BPNT1: variants seen among roughly 807,000 people sequenced by gnomAD.
The protein encoded by BPNT1 is 3'(2'),5'-bisphosphate nucleotidase 1.
BPNT1 carries 28 observed loss-of-function variants against 36.9 expected under a neutral mutation model. The ratio of observed to expected loss-of-function variants is 0.76; its 90% confidence interval spans 0.56 to 1.04. BPNT1 has a LOEUF of 1.04. Ranked by LOEUF, BPNT1 falls within the 50% of genes least tolerant of loss-of-function variation. The pLI, the probability that BPNT1 is intolerant of heterozygous loss-of-function variation, is 0.00. For synonymous variants in BPNT1, 119 were observed against 130.9 expected, an observed-to-expected ratio of 0.91 and a Z score of 0.62; for missense variants, 313 against 372.9, an observed-to-expected ratio of 0.84 and a Z score of 1.32.
intron 1 of BPNT1, among the ~76,000 whole-genome samples, chr1:220,083,559 C>T (rs533360440): frequency 3.2e-4 from 49 of 152,074 alleles, no homozygotes; most frequent in African/African-American, 1.2e-3. Flanking sequence ...GATCCACTCG[C>T]CTCGGCCTCG....
At chr1:220,062,317 C>T (rs1663120478) in intron 7 of BPNT1, among the ~76,000 whole-genome samples, 1 of 138,660 alleles carries the variant, frequency 7.2e-6, no homozygotes, top group African/African-American at 2.7e-5. Flanking sequence ...CAACAGTCCC[C>T]AGAGTGTGAC....
intron 7 of BPNT1, among the ~76,000 whole-genome samples, chr1:220,061,253 G>A (rs1663001457): frequency 6.6e-6 from 1 of 152,182 alleles, no homozygotes; most frequent in Non-Finnish European, 1.5e-5. Context: ...ACACAACTGA[G>A]ATCACTGCTA....
intron 1 of BPNT1, among the ~76,000 whole-genome samples, chr1:220,080,802 T>G (rs1192198010): frequency 6.6e-6 from 1 of 152,176 alleles, no homozygotes; most frequent in Non-Finnish European, 1.5e-5. Flanking sequence ...TCAATGAATA[T>G]TCTCTGCTAT....
intron 1 of BPNT1, among the ~76,000 whole-genome samples, chr1:220,082,017 A>C (rs1256883168): frequency 6.7e-6 from 1 of 148,320 alleles, no homozygotes; most frequent in African/African-American, 2.5e-5. Context: ...AAATCAAATC[A>C]ACATTATTTC....
At chr1:220,072,555 T>C (rs1007375866) in intron 4 of BPNT1, among the ~76,000 whole-genome samples, 1 of 152,086 alleles carries the variant, frequency 6.6e-6, no homozygotes, top group Non-Finnish European at 1.5e-5. Flanking sequence ...ACTCAAGCAA[T>C]CCAACCACCT....
At chr1:220,081,361 G>A (rs1558100574) in intron 1 of BPNT1, among the ~76,000 whole-genome samples, 1 of 152,088 alleles carries the variant, frequency 6.6e-6, no homozygotes, top group Non-Finnish European at 1.5e-5. Context: ...TGACCAACAT[G>A]GTGAAACCTC....
chr1:220,077,387 AT>A (rs147317841), intron 2 of BPNT1, among the ~76,000 whole-genome samples: 11,621 of 149,200 alleles, frequency 0.078, 523 homozygotes, highest in South Asian at 0.14. Context: ...GTTCTTATGA[AT>A]TTTTTTTTTT....
intron 6 of BPNT1, among the ~76,000 whole-genome samples, chr1:220,063,460 C>A (rs1010057897): frequency 2.0e-5 from 3 of 152,178 alleles, no homozygotes; most frequent in Non-Finnish European, 2.9e-5. Context: ...TTTCAAAGAA[C>A]TTTTGGTTAT....
intron 6 of BPNT1, among the ~76,000 whole-genome samples, chr1:220,065,320 C>T (rs976844166): frequency 6.6e-6 from 1 of 152,144 alleles, no homozygotes; most frequent in African/African-American, 2.4e-5. Context: ...GTGCTCCTGA[C>T]TCTCAGGCTC....
At position 220,062,839 on chromosome 1, in the gene BPNT1, G is replaced by A. The variant is rs2102638652; in HGVS notation, c.590C>T (p.Ser197Phe). ...AGKHIITTTR[S>F]HSNKLVTDCV... ...GTCAGTAACCAACTTGTTGCTATGG[G>A]ATCGAGTAGTTGTGATAATGTGTTT... The change falls in exon 7 of 9, where the codon TCC becomes TTC. Residue 197 changes from serine to phenylalanine, a missense_variant. Coordinates refer to ENST00000322067, the MANE Select transcript of BPNT1 (RefSeq NM_006085.6). 6.2e-7 allele frequency: 1 copy of A among 1,614,130 alleles called. No homozygotes were observed. Among genetic ancestry groups the A allele is most frequent in the Non-Finnish European group, 8.5e-7 (1 of 1,180,014 alleles).
chr1:220,086,071 T>A (rs115518794), intron 1 of BPNT1, among the ~76,000 whole-genome samples: 239 of 152,236 alleles, frequency 1.6e-3, no homozygotes, highest in Middle Eastern at 3.4e-3. Flanking sequence ...AAAAGAACTA[T>A]GAACAGAGGT....
Position 220,058,062 on chromosome 1 carries a change from G to T in BPNT1, c.*782C>A. ...CGTGGTGGCGGTGCCTGCAGTCCCAGCTACTCGGGAGGCTGAGGCAGGAGA... is the reference window on the plus strand; with the variant it reads ...CGTGGTGGCGGTGCCTGCAGTCCCATCTACTCGGGAGGCTGAGGCAGGAGA... On this transcript the variant is annotated 3_prime_UTR_variant, in exon 9 of 9. Transcript: ENST00000322067. 1.6e-6 allele frequency: 1 copy of T among 629,882 alleles called. No homozygotes were observed. The highest frequency in any genetic ancestry group is 3.1e-5 in the South Asian group (1 of 31,780). 39.0% of individuals were successfully genotyped at this position (629,882 alleles called of 1,614,324 possible). A position where few individuals can be genotyped will look rare whatever the true frequency, so the allele number is the denominator to read the frequency against.
rs3055555 is a variant in BPNT1, at chr1:220,082,085, T to TAGAG, written c.-8-2235_-8-2232dup. 9.2e-3 allele frequency among the ~76,000 whole-genome samples: 950 copies of TAGAG among 103,220 alleles called. 10 individuals carry two copies. The highest frequency in any genetic ancestry group is 0.023 in the African/African-American group (595 of 26,198). The allele number at this position is 103,220 out of a possible 152,430, so 67.7% of individuals were successfully genotyped here. On this transcript the variant is annotated intron_variant, in intron 1 of 8. Transcript: ENST00000322067. ...GACAATATATATATATATATATATA[T>TAGAG]AGAGAGAGAGAGAGAGAGAGAGAGA...
chr1:220,080,487 A>G (rs1315215243), intron 1 of BPNT1, among the ~76,000 whole-genome samples: 1 of 152,214 alleles, frequency 6.6e-6, no homozygotes, highest in Non-Finnish European at 1.5e-5. Flanking sequence ...CTCACAGTTC[A>G]GCATGGGTGG....
chr1:220,060,384 G>A (rs1444920511), intron 7 of BPNT1, among the ~76,000 whole-genome samples: 5 of 152,234 alleles, frequency 3.3e-5, no homozygotes, highest in Non-Finnish European at 7.4e-5. Flanking sequence ...GCTGAGGCAC[G>A]AGAATCGTTT....
intron 7 of BPNT1, among the ~76,000 whole-genome samples, chr1:220,061,538 A>AG (rs1663035621): frequency 6.6e-6 from 1 of 151,660 alleles, no homozygotes; most frequent in Non-Finnish European, 1.5e-5. Context: ...CGTCTCAAAA[A>AG]AAAAAAAAAA....
chr1:220,063,188 A>C (rs571743830), intron 6 of BPNT1, among the ~76,000 whole-genome samples: 209 of 152,300 alleles, frequency 1.4e-3, no homozygotes, highest in African/African-American at 4.9e-3. Flanking sequence ...CTCTAATAAA[A>C]ATACAAAAAA....
At chr1:220,078,320 T>C (rs1291592293) in intron 2 of BPNT1, among the ~76,000 whole-genome samples, 1 of 144,258 alleles carries the variant, frequency 6.9e-6, no homozygotes, top group Non-Finnish European at 1.5e-5. Context: ...ATATAATATA[T>C]ATAACATATA....
At chr1:220,083,234 C>T (rs1275213920) in intron 1 of BPNT1, among the ~76,000 whole-genome samples, 1 of 128,240 alleles carries the variant, frequency 7.8e-6, no homozygotes, top group Non-Finnish European at 1.7e-5. Context: ...AAGACTCCAT[C>T]TCAAAAAAAA....
Sources: allele counts gnomAD v4.1 joint callset (sites outside exome capture counted in the v4.1 genomes callset), GRCh38; gene constraint gnomAD v4.1.1; transcripts MANE v1.5; gene names NCBI Gene and HGNC (gene_info 2026-07-23, HGNC 2026-07-21).